CEP164: variants seen among roughly 807,000 people sequenced by gnomAD.
The protein encoded by CEP164 is centrosomal protein of 164 kDa.
CEP164 carries 162 observed loss-of-function variants against 182.7 expected under a neutral mutation model. The observed-to-expected ratio is 0.89, with a 90% confidence interval of 0.78 to 1.01. The LOEUF is 1.01. Ranked by LOEUF, CEP164 falls within the 50% of genes least tolerant of loss-of-function variation. The pLI is 0.00. For synonymous variants in CEP164, 661 were observed against 690.0 expected, an observed-to-expected ratio of 0.96 and a Z score of 0.66; for missense variants, 1,735 against 1,790.4, an observed-to-expected ratio of 0.97 and a Z score of 0.56.
chr11:117,342,593 A>G (rs1433296453), intron 3 of CEP164, among the ~76,000 whole-genome samples: 1 of 151,798 alleles, frequency 6.6e-6, no homozygotes. Context: ...CTCCTGCCTC[A>G]GCTTCCTAAG....
At chr11:117,364,655 C>T (rs1238117623) in intron 8 of CEP164, among the ~76,000 whole-genome samples, 4 of 151,940 alleles carry the variant, frequency 2.6e-5, no homozygotes, top group South Asian at 2.1e-4. Context: ...CACAGGCGCC[C>T]GCCACCACAC....
At chr11:117,381,632 A>G in intron 12 of CEP164, 69 bp from the exon 13 acceptor site, 2 of 1,516,390 alleles carry the variant, frequency 1.3e-6, no homozygotes, top group Non-Finnish European at 1.8e-6. Flanking sequence ...CACACACTGT[A>G]CTCCCCAGTT....
At position 117,375,790 on chromosome 11, in the gene CEP164, A is replaced by T. The variant is rs143370558; in HGVS notation, c.1316A>T (p.Gln439Leu). 82 of 1,614,024 alleles carry T rather than the reference A, an allele frequency of 5.1e-5. No homozygotes were observed. The African/African-American group carries it at 7.5e-4, about 15-fold the overall frequency. ...CCAGTCCTGGGTGGAGCTTGTCGGC[A>T]GGTGAGTTTCTGTGGGTGGTGGGCT... is the stretch of plus-strand genomic sequence containing the variant. ...LSPVLGGACR[Q>L]AQQPLGIEDK... Residue 439 changes from glutamine to leucine, a missense_variant and splice_region_variant, in exon 11 of 33, where the codon CAG becomes CTG. Gln to Leu is a moderately radical substitution (Grantham distance 113). Transcript: ENST00000278935.
At chr11:117,350,063 A>G (rs889938801) in intron 4 of CEP164, among the ~76,000 whole-genome samples, 4 of 151,962 alleles carry the variant, frequency 2.6e-5, no homozygotes, top group African/African-American at 9.7e-5. Context: ...ATGAGCCACC[A>G]TGCCCGGCCA....
At chr11:117,403,281 T>C (rs973096451) in intron 27 of CEP164, among the ~76,000 whole-genome samples, 2 of 152,250 alleles carry the variant, frequency 1.3e-5, no homozygotes, top group Admixed American at 6.5e-5. Context: ...CTTTACAATT[T>C]GGCATGTTTT....
chr11:117,400,756 T>A (rs911356103), intron 27 of CEP164, among the ~76,000 whole-genome samples: 1 of 152,224 alleles, frequency 6.6e-6, no homozygotes, highest in African/African-American at 2.4e-5. Flanking sequence ...CAACTGTGAA[T>A]GGGAGTTCAC....
At chr11:117,352,376 A>G (rs2039752730) in intron 5 of CEP164, among the ~76,000 whole-genome samples, 1 of 152,130 alleles carries the variant, frequency 6.6e-6, no homozygotes, top group African/African-American at 2.4e-5. Flanking sequence ...CTTTCTCTTT[A>G]TTCAGAGTCA....
intron 16 of CEP164, 34 bp from the exon 17 acceptor site, chr11:117,390,965 A>C: frequency 6.2e-7 from 1 of 1,613,794 alleles, no homozygotes. Context: ...CCCAGGGTGC[A>C]CAGGCCCGTT....
In CEP164 at chr11:117,397,360, G is replaced by C. The variant is rs750587410; in HGVS notation, c.3501+47G>C. On this transcript the variant is annotated intron_variant, in intron 27 of 32. Transcript: ENST00000278935. ...CTGCCAGCCCTGTGTGGGGGAGGCG[G>C]GGGGAGTCAGCAAAACAGTCCTTTG... is the stretch of plus-strand genomic sequence containing the variant. The C allele has an allele frequency of 2.0e-5, 31 of 1,556,132 alleles. No individual in the cohort carries two copies. In the South Asian group the frequency reaches 3.6e-4, roughly 18 times the overall value.
chr11:117,351,669 T>C, intron 4 of CEP164, 121 bp from the exon 5 acceptor site: 1 of 857,864 alleles, frequency 1.2e-6, no homozygotes, highest in Non-Finnish European at 1.8e-6. Flanking sequence ...CTCCCTCCCT[T>C]TTCCACCCCA....
intron 1 of CEP164, among the ~76,000 whole-genome samples, chr11:117,333,520 C>T (rs1183460098): frequency 6.6e-6 from 1 of 152,130 alleles, no homozygotes; most frequent in Non-Finnish European, 1.5e-5. Context: ...AAAACTATTT[C>T]CTGGCTTCCA....
At chr11:117,390,662 T>G in intron 15 of CEP164, 115 bp from the exon 16 acceptor site, 1 of 1,333,330 alleles carries the variant, frequency 7.5e-7, no homozygotes, top group Non-Finnish European at 1.0e-6. Context: ...AAAAAAGATT[T>G]AGGAAGTTTC....
At chr11:117,404,786 G>C (rs2046494821) in intron 27 of CEP164, among the ~76,000 whole-genome samples, 1 of 152,202 alleles carries the variant, frequency 6.6e-6, no homozygotes, top group Non-Finnish European at 1.5e-5. Flanking sequence ...CTGTCCCAGG[G>C]AGATGTGAGT....
intron 8 of CEP164, among the ~76,000 whole-genome samples, chr11:117,364,651 C>T (rs1389338502): frequency 4.0e-5 from 6 of 151,474 alleles, no homozygotes; most frequent in African/African-American, 7.3e-5. Flanking sequence ...GGACCACAGG[C>T]GCCCGCCACC....
At chr11:117,375,338 C>T (rs112765343) in intron 10 of CEP164, among the ~76,000 whole-genome samples, 15 of 152,196 alleles carry the variant, frequency 9.9e-5, no homozygotes, top group African/African-American at 3.4e-4. Flanking sequence ...GTTATATGTG[C>T]TCTCCAACCT....
At chr11:117,403,840 G>C (rs1369050499) in intron 27 of CEP164, among the ~76,000 whole-genome samples, 2 of 151,942 alleles carry the variant, frequency 1.3e-5, no homozygotes, top group African/African-American at 4.8e-5. Context: ...TTTCTTGGAG[G>C]CTTTGCTTGT....
At chr11:117,353,175 A>T (rs1187181182) in intron 5 of CEP164, among the ~76,000 whole-genome samples, 1 of 151,964 alleles carries the variant, frequency 6.6e-6, no homozygotes, top group Non-Finnish European at 1.5e-5. Flanking sequence ...CATCGTTTCA[A>T]CCCTCTTCAG....
At chr11:117,386,985 C>T (rs2044034915) in intron 14 of CEP164, 2 of 565,252 alleles carry the variant, frequency 3.5e-6, no homozygotes, top group Non-Finnish European at 6.3e-6. Context: ...TACCCTTCTC[C>T]CTAGGCTCTT....
chr11:117,362,585 T>C lies in CEP164; in HGVS notation c.687+47T>C, dbSNP rs759011409. ...TGGCCTGGAAACCCTCTGTGCCATA[T>C]TTTTTCCTTTTGAAAATGTTTTTGC... On this transcript the variant is annotated intron_variant, in intron 7 of 32. Coordinates refer to ENST00000278935, the MANE Select transcript of CEP164 (RefSeq NM_014956.5). 3 of 1,557,458 alleles carry C rather than the reference T, an allele frequency of 1.9e-6. No homozygotes were observed. In the South Asian group the frequency reaches 3.5e-5, roughly 18 times the overall value.
Sources: allele counts gnomAD v4.1 joint callset (sites outside exome capture counted in the v4.1 genomes callset), GRCh38; gene constraint gnomAD v4.1.1; transcripts MANE v1.5; gene names NCBI Gene and HGNC (gene_info 2026-07-23, HGNC 2026-07-21).